The following TMEM108 variants were observed in gnomAD, a reference collection of about 807,000 sequenced individuals.
TMEM108 encodes the protein cancer/testis antigen 124.
TMEM108 carries 12 observed loss-of-function variants against 35.1 expected under a neutral mutation model. The observed-to-expected ratio is 0.34, with a 90% CI of 0.22 to 0.55. TMEM108 has a LOEUF of 0.55. Ranked by LOEUF, TMEM108 falls within the 20% of genes least tolerant of loss-of-function variation. The pLI is 0.89. For missense variants in TMEM108, 680 were observed against 753.3 expected (o/e 0.90, Z 1.14); for synonymous variants, 287 against 308.6 (o/e 0.93, Z 0.73).
intron 3 of TMEM108, among the ~76,000 whole-genome samples, chr3:133,233,337 A>C (rs1018641712): frequency 2.0e-5 from 3 of 151,664 alleles, no homozygotes. Flanking sequence ...ATGATTTCCA[A>C]TTTCATCCAT....
chr3:133,240,377 A>G (rs1012479708), intron 3 of TMEM108, among the ~76,000 whole-genome samples: 1 of 152,244 alleles, frequency 6.6e-6, no homozygotes, highest in African/African-American at 2.4e-5. Context: ...GCATAAGTCA[A>G]CAATTCTCTT....
intron 2 of TMEM108, among the ~76,000 whole-genome samples, chr3:133,226,027 A>C (rs569707465): frequency 6.6e-6 from 1 of 152,216 alleles, no homozygotes; most frequent in East Asian, 1.9e-4. Context: ...TGAGGTATAC[A>C]TTGTTTTGGT....
At chr3:133,300,630 T>C (rs1947208414) in intron 3 of TMEM108, among the ~76,000 whole-genome samples, 1 of 151,878 alleles carries the variant, frequency 6.6e-6, no homozygotes, top group African/African-American at 2.4e-5. Flanking sequence ...TAAAAAGAAA[T>C]GGGTAAGGCA....
At chr3:133,225,694 T>TTA (rs76080776) in intron 2 of TMEM108, among the ~76,000 whole-genome samples, 47 of 150,552 alleles carry the variant, frequency 3.1e-4, no homozygotes, top group African/African-American at 1.1e-3. Context: ...TGGAGGGGGG[T>TTA]AAAAAAAAAG....
intron 3 of TMEM108, among the ~76,000 whole-genome samples, chr3:133,251,940 T>C (rs1357126471): frequency 6.6e-6 from 1 of 152,142 alleles, no homozygotes; most frequent in East Asian, 1.9e-4. Context: ...TGATATGTAG[T>C]AAAATAAAGG....
chr3:133,182,136 A>G (rs908333624), intron 2 of TMEM108, among the ~76,000 whole-genome samples: 2 of 152,204 alleles, frequency 1.3e-5, no homozygotes, highest in African/African-American at 4.8e-5. Flanking sequence ...TGTCAAGATT[A>G]ATAATTTCTA....
intron 3 of TMEM108, among the ~76,000 whole-genome samples, chr3:133,277,848 G>A (rs1343975045): frequency 6.6e-6 from 1 of 152,154 alleles, no homozygotes; most frequent in Non-Finnish European, 1.5e-5. Flanking sequence ...CCAGAGTCTT[G>A]TATTTTCATC....
intron 3 of TMEM108, among the ~76,000 whole-genome samples, chr3:133,253,837 T>G (rs868242332): frequency 2.7e-4 from 41 of 152,338 alleles, no homozygotes; most frequent in African/African-American, 8.9e-4. Flanking sequence ...CATATTGCAC[T>G]GTTGTAGTCA....
At chr3:133,176,970 A>T (rs1267778808) in intron 2 of TMEM108, among the ~76,000 whole-genome samples, 1 of 152,250 alleles carries the variant, frequency 6.6e-6, no homozygotes, top group Non-Finnish European at 1.5e-5. Flanking sequence ...ACAATAAAAA[A>T]TGATGAAGGG....
At chr3:133,080,505 T>C (rs1162178521) in intron 2 of TMEM108, among the ~76,000 whole-genome samples, 1 of 152,234 alleles carries the variant, frequency 6.6e-6, no homozygotes, top group Non-Finnish European at 1.5e-5. Flanking sequence ...CCTTGTTCCT[T>C]CTTCAAGGCC....
chr3:133,358,173 T>A (rs1368860508), intron 3 of TMEM108, among the ~76,000 whole-genome samples: 1 of 151,600 alleles, frequency 6.6e-6, no homozygotes, highest in Non-Finnish European at 1.5e-5. Flanking sequence ...TATGGTCTTT[T>A]TTTTTTTTTT....
intron 2 of TMEM108, among the ~76,000 whole-genome samples, chr3:133,126,318 T>A (rs1021989729): frequency 2.0e-5 from 3 of 151,888 alleles, no homozygotes; most frequent in Non-Finnish European, 4.4e-5. Flanking sequence ...AATACAAAAA[T>A]TAGCCAGGCA....
chr3:133,047,547 G>A (rs936279480), intron 2 of TMEM108, among the ~76,000 whole-genome samples: 4 of 151,916 alleles, frequency 2.6e-5, no homozygotes, highest in Non-Finnish European at 5.9e-5. Context: ...TTCTTGTGTG[G>A]AGTGTCCTGT....
intron 2 of TMEM108, among the ~76,000 whole-genome samples, chr3:133,162,450 A>G (rs1473912858): frequency 6.6e-6 from 1 of 152,234 alleles, no homozygotes; most frequent in Non-Finnish European, 1.5e-5. Context: ...CTCATTACAC[A>G]GTGGTAACAG....
intron 3 of TMEM108, among the ~76,000 whole-genome samples, chr3:133,334,469 G>A (rs952230740): frequency 7.2e-5 from 11 of 152,194 alleles, no homozygotes; most frequent in Non-Finnish European, 1.2e-4. Context: ...CATTATGGGT[G>A]TATGAAAGTA....
chr3:133,354,420 A>G (rs150614541), intron 3 of TMEM108, among the ~76,000 whole-genome samples: 93 of 152,342 alleles, frequency 6.1e-4, no homozygotes, highest in African/African-American at 2.2e-3. Flanking sequence ...GTGAGCTGAC[A>G]TCTAGAACAT....
At chr3:133,112,391 T>C (rs1432574956) in intron 2 of TMEM108, among the ~76,000 whole-genome samples, 1 of 152,188 alleles carries the variant, frequency 6.6e-6, no homozygotes, top group Non-Finnish European at 1.5e-5. Flanking sequence ...CAATTTTTAC[T>C]GTCAGCAAAA....
intron 2 of TMEM108, among the ~76,000 whole-genome samples, chr3:133,145,767 G>C (rs1944710678): frequency 6.6e-6 from 1 of 151,040 alleles, no homozygotes; most frequent in Non-Finnish European, 1.5e-5. Flanking sequence ...CTCTCTGTTT[G>C]TCTGTTATTG....
intron 3 of TMEM108, among the ~76,000 whole-genome samples, chr3:133,279,511 G>A (rs915712647): frequency 3.9e-5 from 6 of 152,190 alleles, no homozygotes; most frequent in African/African-American, 1.4e-4. Context: ...ATATTCTGGG[G>A]CCTCTCGTAA....
Sources: allele counts gnomAD v4.1 joint callset (sites outside exome capture counted in the v4.1 genomes callset), GRCh38; gene constraint gnomAD v4.1.1; transcripts MANE v1.5; gene names NCBI Gene and HGNC (gene_info 2026-07-23, HGNC 2026-07-21).